KALRN: variants seen among roughly 807,000 people sequenced by gnomAD.
KALRN encodes the protein kalirin.
KALRN carries 70 observed loss-of-function variants against 353.7 expected under a neutral mutation model. That is an observed-to-expected ratio of 0.20 (90% confidence interval 0.16 to 0.24). KALRN has a LOEUF of 0.24. Ranked by LOEUF, KALRN falls within the 10% of genes least tolerant of loss-of-function variation. The pLI, the probability that KALRN is intolerant of heterozygous loss-of-function variation, is 1.00. For missense variants in KALRN, 2,791 were observed against 3,756.7 expected (o/e 0.74, Z 6.72); for synonymous variants, 1,391 against 1,434.8 (o/e 0.97, Z 0.69).
At chr3:124,404,061 G>A (rs2150149430) in intron 13 of KALRN, among the ~76,000 whole-genome samples, 1 of 150,634 alleles carries the variant, frequency 6.6e-6, no homozygotes, top group East Asian at 2.0e-4. Context: ...GCTTAGCAGG[G>A]AAGGGAGAAG....
chr3:124,189,568 CGAGGCGGGTGGATCACCT>C (rs1560186299), intron 1 of KALRN, among the ~76,000 whole-genome samples: 2 of 152,050 alleles, frequency 1.3e-5, no homozygotes, highest in African/African-American at 4.8e-5. Flanking sequence ...TTTGGGAAGC[CGAGGCGGGTGGATCACCT>C]GAGGTCAGGC....
At chr3:124,181,995 T>C (rs2073661783) in intron 1 of KALRN, among the ~76,000 whole-genome samples, 1 of 152,196 alleles carries the variant, frequency 6.6e-6, no homozygotes, top group Non-Finnish European at 1.5e-5. Context: ...GCCTTTATAG[T>C]GACTCTATTC....
chr3:124,161,902 GAT>G (rs1297652326), intron 1 of KALRN, among the ~76,000 whole-genome samples: 1 of 152,212 alleles, frequency 6.6e-6, no homozygotes, highest in Non-Finnish European at 1.5e-5. Flanking sequence ...TTGAAAGATA[GAT>G]ACCTTTTGGA....
In KALRN at chr3:124,129,578, G is replaced by A. The variant is rs1046573328; in HGVS notation, c.73+95765G>A. On this transcript the variant is annotated intron_variant, in intron 1 of 59. Transcript: ENST00000682506. ...CTCTACTTCAATCTCCTGGACAATGGCACCAAGAGGCAAGGGAGAAGGAAG... is the reference window on the plus strand; with the variant it reads ...CTCTACTTCAATCTCCTGGACAATGACACCAAGAGGCAAGGGAGAAGGAAG... Among the ~76,000 whole-genome samples the A allele has an allele frequency of 5.3e-5, 8 of 152,190 alleles. 1 individual carries two copies. In the South Asian group the frequency reaches 1.7e-3, roughly 31 times the overall value.
chr3:124,120,273 T>A (rs1052695322), intron 1 of KALRN, among the ~76,000 whole-genome samples: 6 of 152,194 alleles, frequency 3.9e-5, no homozygotes, highest in African/African-American at 1.4e-4. Context: ...GTGGGTCACA[T>A]GATGGATGTT....
intron 6 of KALRN, among the ~76,000 whole-genome samples, chr3:124,312,113 TA>T (rs2078326978): frequency 6.6e-6 from 1 of 152,222 alleles, no homozygotes; most frequent in South Asian, 2.1e-4. Flanking sequence ...TAAATACTAA[TA>T]TACTAAAAAC....
chr3:124,614,097 C>T (rs1016342153), intron 34 of KALRN, among the ~76,000 whole-genome samples: 7 of 152,166 alleles, frequency 4.6e-5, no homozygotes, highest in African/African-American at 7.2e-5. Flanking sequence ...CTCTGTTTCA[C>T]GTGAAAACTT....
chr3:124,697,151 G>A (rs1376416481), intron 54 of KALRN, among the ~76,000 whole-genome samples: 1 of 152,196 alleles, frequency 6.6e-6, no homozygotes, highest in Non-Finnish European at 1.5e-5. Context: ...TCCTGCCTTG[G>A]CATCCCAAAG....
intron 33 of KALRN, among the ~76,000 whole-genome samples, chr3:124,527,292 C>G (rs2067670559): frequency 6.6e-6 from 1 of 152,062 alleles, no homozygotes; most frequent in Non-Finnish European, 1.5e-5. Flanking sequence ...TTTTATAAAT[C>G]TCTCTTTATT....
chr3:124,181,076 CAAAAAA>C (rs60579271), intron 1 of KALRN, among the ~76,000 whole-genome samples: 700 of 55,276 alleles, frequency 0.013, 2 homozygotes, highest in South Asian at 0.051. Context: ...ACTAAAAATA[CAAAAAA>C]AAAAAAAAAA....
intron 3 of KALRN, among the ~76,000 whole-genome samples, chr3:124,236,693 G>T (rs2079815836): frequency 6.6e-6 from 1 of 152,124 alleles, no homozygotes; most frequent in South Asian, 2.1e-4. Context: ...GCAAAGAGTG[G>T]GACAAAACAG....
intron 1 of KALRN, among the ~76,000 whole-genome samples, chr3:124,171,266 T>C (rs1578922671): frequency 1.3e-5 from 2 of 152,144 alleles, no homozygotes; most frequent in African/African-American, 4.8e-5. Flanking sequence ...AGCTGGGCAG[T>C]TTTTCTGCTG....
intron 6 of KALRN, among the ~76,000 whole-genome samples, chr3:124,323,665 C>T (rs941169795): frequency 6.6e-6 from 1 of 152,158 alleles, no homozygotes; most frequent in Non-Finnish European, 1.5e-5. Context: ...TAGGGTATAT[C>T]TGGGGACAGG....
chr3:124,224,007 C>T (rs1000078313), intron 1 of KALRN, among the ~76,000 whole-genome samples: 6 of 152,144 alleles, frequency 3.9e-5, no homozygotes, highest in African/African-American at 1.4e-4. Context: ...ATTAACGGAA[C>T]AGCAGGCTTG....
At chr3:124,326,434 G>C (rs1036704363) in intron 7 of KALRN, among the ~76,000 whole-genome samples, 1 of 152,138 alleles carries the variant, frequency 6.6e-6, no homozygotes, top group Non-Finnish European at 1.5e-5. Flanking sequence ...TTTACATTTT[G>C]CTTGGTAGTG....
At chr3:124,388,063 CAT>C (rs1303221583) in intron 11 of KALRN, among the ~76,000 whole-genome samples, 1 of 151,944 alleles carries the variant, frequency 6.6e-6, no homozygotes, top group Non-Finnish European at 1.5e-5. Context: ...TGTACACACA[CAT>C]GCAAATGTTC....
chr3:124,270,931 G>A (rs926784266), intron 5 of KALRN, among the ~76,000 whole-genome samples: 4 of 145,002 alleles, frequency 2.8e-5, no homozygotes, highest in Non-Finnish European at 6.0e-5. Flanking sequence ...CCGGGTTCAC[G>A]CCATTCTCCT....
At chr3:124,620,094 TGTTTTG>T (rs1445985496) in intron 34 of KALRN, among the ~76,000 whole-genome samples, 1 of 152,142 alleles carries the variant, frequency 6.6e-6, no homozygotes, top group Admixed American at 6.5e-5. Flanking sequence ...GTTTTTGTTT[TGTTTTG>T]GTTTTGGTTT....
At chr3:124,523,208 C>T (rs1020435167) in intron 33 of KALRN, among the ~76,000 whole-genome samples, 3 of 152,140 alleles carry the variant, frequency 2.0e-5, no homozygotes, top group Non-Finnish European at 4.4e-5. Flanking sequence ...TTTCTTTCTC[C>T]ATTAACATTT....
Sources: gnomAD v4.1 joint callset for allele counts (sites outside exome capture counted in the v4.1 genomes callset) on GRCh38, gnomAD v4.1.1 for gene constraint, MANE v1.5 for transcripts, NCBI Gene and HGNC (gene_info 2026-07-23, HGNC 2026-07-21) for gene names.